The following SLX4IP variants were observed in gnomAD, a reference collection of about 807,000 sequenced individuals.
SLX4IP encodes the protein SLX4 interacting protein.
In SLX4IP, 34 loss-of-function variants were observed where a neutral mutation model predicts 32.9. The ratio of observed to expected loss-of-function variants is 1.03; its 90% CI spans 0.79 to 1.38. The LOEUF (loss-of-function observed/expected upper bound fraction) is 1.38. Ranked by LOEUF, SLX4IP falls within the 40% of genes most tolerant of loss-of-function variation. The pLI is 0.00. For missense variants in SLX4IP, 444 were observed against 479.0 expected (o/e 0.93, Z 0.68); for synonymous variants, 172 against 171.7 (o/e 1.00, Z -0.01).
chr20:10,600,207 A>T (rs1197980703), intron 5 of SLX4IP, among the ~76,000 whole-genome samples: 1 of 152,158 alleles, frequency 6.6e-6, no homozygotes, highest in Non-Finnish European at 1.5e-5. Flanking sequence ...GGCTTTTCAA[A>T]ATCCACCTCT....
intron 1 of SLX4IP, among the ~76,000 whole-genome samples, chr20:10,437,961 A>T: frequency 6.6e-6 from 1 of 152,172 alleles, no homozygotes; most frequent in East Asian, 1.9e-4. Context: ...CATCTGTAAG[A>T]TAGGGTTGAT....
chr20:10,609,375 T>C (rs1301377201), intron 6 of SLX4IP, among the ~76,000 whole-genome samples: 1 of 152,198 alleles, frequency 6.6e-6, no homozygotes, highest in Admixed American at 6.5e-5. Flanking sequence ...CCAGACTAGT[T>C]CACAAAAGCT....
intron 2 of SLX4IP, among the ~76,000 whole-genome samples, chr20:10,474,910 G>A (rs751028392): frequency 5.9e-5 from 9 of 152,180 alleles, no homozygotes; most frequent in Admixed American, 2.0e-4. Context: ...TCAGGGAGCC[G>A]TGGGTTCAGG....
intron 4 of SLX4IP, among the ~76,000 whole-genome samples, chr20:10,575,194 T>C (rs936471711): frequency 6.6e-6 from 1 of 152,102 alleles, no homozygotes; most frequent in African/African-American, 2.4e-5. Context: ...TTAAAAACAT[T>C]TCTTTTGGTG....
chr20:10,465,544 C>T (rs1040741479), intron 2 of SLX4IP, among the ~76,000 whole-genome samples: 1 of 152,194 alleles, frequency 6.6e-6, no homozygotes, highest in Admixed American at 6.5e-5. Context: ...GTTGCTCTGT[C>T]GCCCAGGTTG....
rs541110228 is a variant in SLX4IP, at chr20:10,625,854, C to T, written c.*2475C>T. ...ATTTTTCTTGCACATGGCTGAAACA[C>T]CCCTGGCTCTCTTGTTATTTGAGTG... On this transcript the variant is annotated 3_prime_UTR_variant, in exon 8 of 8. Transcript: ENST00000334534. 1 of 152,080 alleles carries T rather than the reference C, an allele frequency of 6.6e-6. No individual in the cohort carries two copies. The highest frequency in any genetic ancestry group is 2.4e-5 in the African/African-American group (1 of 41,396). The allele number at this position is 152,080 out of a possible 1,614,324, so 9.4% of individuals were successfully genotyped here.
intron 4 of SLX4IP, among the ~76,000 whole-genome samples, chr20:10,569,175 ATT>A (rs555310488): frequency 0.028 from 3,586 of 129,836 alleles, 90 homozygotes; most frequent in Admixed American, 0.095. Flanking sequence ...CCAGATCTAG[ATT>A]TTTTTTTTTT....
chr20:10,626,412 C>G lies in SLX4IP; in HGVS notation c.*3033C>G, dbSNP rs2067174822. ...TGTCAGTATTGTTAGTCAAAAAGAA[C>G]AAGTTCTTCAACCACTTGCGTAGTA... On this transcript the variant is annotated 3_prime_UTR_variant, in exon 8 of 8. Transcript: ENST00000334534. 1 of 151,984 alleles carries G rather than the reference C, an allele frequency of 6.6e-6. No homozygotes were observed. The highest frequency in any genetic ancestry group is 1.5e-5 in the Non-Finnish European group (1 of 68,006). 9.4% of individuals were successfully genotyped at this position (151,984 alleles called of 1,614,324 possible). A position where few individuals can be genotyped will look rare whatever the true frequency, so the allele number is the denominator to read the frequency against.
intron 2 of SLX4IP, among the ~76,000 whole-genome samples, chr20:10,529,239 T>C (rs903931097): frequency 6.6e-6 from 1 of 152,174 alleles, no homozygotes; most frequent in African/African-American, 2.4e-5. Context: ...AATGTAATCT[T>C]ACGTTCATTA....
intron 2 of SLX4IP, among the ~76,000 whole-genome samples, chr20:10,504,686 C>T (rs910200567): frequency 5.3e-5 from 8 of 152,084 alleles, no homozygotes; most frequent in South Asian, 2.1e-4. Context: ...GGGGCCTCTG[C>T]GAGGCTTGTG....
intron 4 of SLX4IP, among the ~76,000 whole-genome samples, chr20:10,593,611 C>T (rs2066736989): frequency 6.6e-6 from 1 of 152,032 alleles, no homozygotes; most frequent in South Asian, 2.1e-4. Context: ...TAGCATGCAC[C>T]TGTGGTCCCA....
intron 4 of SLX4IP, among the ~76,000 whole-genome samples, chr20:10,569,239 G>A (rs2066433046): frequency 6.7e-6 from 1 of 149,294 alleles, no homozygotes; most frequent in Admixed American, 6.7e-5. Context: ...AGGCTGGAGT[G>A]CAATGGCACG....
At chr20:10,495,556 C>T (rs1287493346) in intron 2 of SLX4IP, among the ~76,000 whole-genome samples, 1 of 152,072 alleles carries the variant, frequency 6.6e-6, no homozygotes, top group South Asian at 2.1e-4. Flanking sequence ...AATATTTTGC[C>T]TGGTTTTTCA....
At chr20:10,558,341 CAAAAA>C (rs36028561) in intron 3 of SLX4IP, among the ~76,000 whole-genome samples, 2 of 79,538 alleles carry the variant, frequency 2.5e-5, no homozygotes, top group Non-Finnish European at 2.5e-5. Context: ...GACCCTGTCT[CAAAAA>C]AAAAAAAAAA....
At chr20:10,439,957 G>A (rs2065147139) in intron 1 of SLX4IP, among the ~76,000 whole-genome samples, 1 of 152,114 alleles carries the variant, frequency 6.6e-6, no homozygotes, top group Admixed American at 6.5e-5. Flanking sequence ...TGTAAAAGCG[G>A]TTACTTGTGT....
chr20:10,512,004 A>G (rs2090198766), intron 2 of SLX4IP, among the ~76,000 whole-genome samples: 1 of 152,218 alleles, frequency 6.6e-6, no homozygotes, highest in South Asian at 2.1e-4. Context: ...TGGGATTGGA[A>G]AGCAATGTCT....
intron 2 of SLX4IP, among the ~76,000 whole-genome samples, chr20:10,551,212 A>C (rs1312000757): frequency 6.6e-6 from 1 of 152,248 alleles, no homozygotes; most frequent in Non-Finnish European, 1.5e-5. Flanking sequence ...AAAAATAACC[A>C]ACACGTTCAG....
intron 4 of SLX4IP, among the ~76,000 whole-genome samples, chr20:10,588,417 T>C (rs1416611008): frequency 6.6e-6 from 1 of 152,308 alleles, no homozygotes; most frequent in Admixed American, 6.5e-5. Context: ...TGTAAATTAG[T>C]ACAGCCATTA....
At chr20:10,456,445 G>A (rs1600890048) in intron 1 of SLX4IP, among the ~76,000 whole-genome samples, 2 of 152,132 alleles carry the variant, frequency 1.3e-5, no homozygotes, top group Admixed American at 1.3e-4. Context: ...AGGTTCAAGC[G>A]ATTCTCCTGC....
Sources: gnomAD v4.1 joint callset for allele counts (sites outside exome capture counted in the v4.1 genomes callset) on GRCh38, gnomAD v4.1.1 for gene constraint, MANE v1.5 for transcripts, NCBI Gene and HGNC (gene_info 2026-07-23, HGNC 2026-07-21) for gene names.